CASD1: variants seen among roughly 807,000 people sequenced by gnomAD.
The protein encoded by CASD1 is N-acetylneuraminate (7)9-O-acetyltransferase.
CASD1 carries 41 observed loss-of-function variants against 100.0 expected under a neutral mutation model. The ratio of observed to expected loss-of-function variants is 0.41; its 90% CI spans 0.32 to 0.53. The LOEUF is 0.53. Among genes scored for constraint, CASD1 ranks in the 20% least tolerant of loss-of-function variants. The probability of loss-of-function intolerance (pLI) is 0.25; values close to 1 mark genes in which losing one functional copy is unlikely to be tolerated. For missense variants in CASD1, 774 were observed against 948.7 expected (o/e 0.82, Z 2.42); for synonymous variants, 321 against 315.6 (o/e 1.02, Z -0.18).
chr7:94,595,494 A>T, the CASD1 span, among the ~76,000 whole-genome samples: 1 of 152,172 alleles, frequency 6.6e-6, no homozygotes, highest in Admixed American at 6.5e-5. Flanking sequence ...GAATGTGAAG[A>T]TGAAATGCAT....
chr7:94,614,968 AT>A, the CASD1 span, among the ~76,000 whole-genome samples: 1 of 152,210 alleles, frequency 6.6e-6, no homozygotes. Flanking sequence ...CAGGTTTCCA[AT>A]TTTATTAAAG....
chr7:94,558,361 A>G (rs1334950147), downstream of CASD1, among the ~76,000 whole-genome samples: 1 of 152,172 alleles, frequency 6.6e-6, no homozygotes, highest in Non-Finnish European at 1.5e-5. Context: ...TTGTGTAATG[A>G]ATTGGATGTA....
At chr7:94,627,936 C>T in the CASD1 span, 3 of 390,386 alleles carry the variant, frequency 7.7e-6, no homozygotes, top group Non-Finnish European at 1.4e-5. Flanking sequence ...AAATAGAATT[C>T]ATATTATAAT....
intron 10 of CASD1, among the ~76,000 whole-genome samples, chr7:94,541,330 AGTT>A (rs564952625): frequency 8.0e-4 from 121 of 151,978 alleles, no homozygotes; most frequent in South Asian, 8.3e-4. Context: ...ATGTCAAACT[AGTT>A]GTGTCATGTT....
the CASD1 span, chr7:94,618,789 C>T: frequency 6.2e-7 from 1 of 1,613,960 alleles, no homozygotes; most frequent in Non-Finnish European, 8.5e-7. Flanking sequence ...GGAAGTGGCA[C>T]CCTGCCACCC....
At chr7:94,563,894 G>A in the CASD1 span, among the ~76,000 whole-genome samples, 1 of 152,102 alleles carries the variant, frequency 6.6e-6, no homozygotes, top group Non-Finnish European at 1.5e-5. Context: ...CTCTTAAAAA[G>A]TGTACTTAAG....
chr7:94,631,820 C>T, the CASD1 span, among the ~76,000 whole-genome samples: 5 of 151,942 alleles, frequency 3.3e-5, no homozygotes, highest in Non-Finnish European at 7.4e-5. Context: ...GATCACAACC[C>T]TACATCCAAA....
chr7:94,525,888 C>T lies in CASD1; in HGVS notation c.352-1274C>T, dbSNP rs1007397501. Among the ~76,000 whole-genome samples, 7 of 152,162 alleles carry T rather than the reference C, an allele frequency of 4.6e-5. No individual in the cohort carries two copies. In the South Asian group the frequency reaches 1.0e-3, roughly 23 times the overall value. On this transcript the variant is annotated intron_variant, in intron 3 of 17. Coordinates refer to ENST00000297273, the MANE Select transcript of CASD1 (RefSeq NM_022900.5). ...TCTGTTTGAATTAATGAAAACATTT[C>T]AGCTTTGATTTTAGCAACAGAATTA...
intron 17 of CASD1, 138 bp from the exon 18 acceptor site, chr7:94,555,354 C>A (rs1796151638): frequency 1.3e-6 from 1 of 776,464 alleles, no homozygotes; most frequent in African/African-American, 1.8e-5. Context: ...CTTTTCAGGG[C>A]CAGTAGTGAG....
At chr7:94,607,860 T>A in the CASD1 span, among the ~76,000 whole-genome samples, 2 of 152,328 alleles carry the variant, frequency 1.3e-5, no homozygotes, top group South Asian at 4.1e-4. Context: ...GATGATATGA[T>A]TCAAAAGAAT....
chr7:94,521,487 C>G (rs1794266612), intron 3 of CASD1, among the ~76,000 whole-genome samples: 1 of 152,062 alleles, frequency 6.6e-6, no homozygotes, highest in Non-Finnish European at 1.5e-5. Context: ...CTAATGTACT[C>G]TATATTCTCT....
chr7:94,581,633 TTC>T, the CASD1 span, among the ~76,000 whole-genome samples: 3 of 152,210 alleles, frequency 2.0e-5, no homozygotes, highest in Non-Finnish European at 4.4e-5. Context: ...GCATTTTGTT[TTC>T]TGTTTCTACA....
chr7:94,593,540 C>A, the CASD1 span, among the ~76,000 whole-genome samples: 1 of 151,826 alleles, frequency 6.6e-6, no homozygotes, highest in Non-Finnish European at 1.5e-5. Context: ...TTGGGATCCT[C>A]CAGTCAATGT....
chr7:94,587,205 G>C, the CASD1 span: 2 of 985,346 alleles, frequency 2.0e-6, no homozygotes, highest in Non-Finnish European at 2.4e-6. Flanking sequence ...GAAGTGCTCT[G>C]TATTACTAAA....
the CASD1 span, chr7:94,617,297 TA>T: frequency 2.0e-5 from 3 of 152,210 alleles, no homozygotes; most frequent in Admixed American, 6.5e-5. Flanking sequence ...GTTCAGGTTC[TA>T]AAAGTACCTC....
At chr7:94,602,411 C>A in the CASD1 span, among the ~76,000 whole-genome samples, 1 of 152,118 alleles carries the variant, frequency 6.6e-6, no homozygotes, top group African/African-American at 2.4e-5. Context: ...CAGGATGCAG[C>A]TGGCTCTCTA....
At chr7:94,631,161 A>G in the CASD1 span, among the ~76,000 whole-genome samples, 4 of 148,022 alleles carry the variant, frequency 2.7e-5, no homozygotes, top group Non-Finnish European at 6.0e-5. Flanking sequence ...ACTAGTATTC[A>G]TAAGTGATCT....
chr7:94,516,631 AC>A (rs1364643481), intron 1 of CASD1, among the ~76,000 whole-genome samples: 1 of 150,370 alleles, frequency 6.7e-6, no homozygotes, highest in African/African-American at 2.4e-5. Context: ...CCCCCCACAC[AC>A]CCCCAACCCA....
At chr7:94,534,830 G>A (rs1227590924) in intron 7 of CASD1, among the ~76,000 whole-genome samples, 1 of 152,120 alleles carries the variant, frequency 6.6e-6, no homozygotes. Flanking sequence ...TTTATAGTAA[G>A]TGATAAGAGA....
Sources: gnomAD v4.1 joint callset for allele counts (sites outside exome capture counted in the v4.1 genomes callset) on GRCh38, gnomAD v4.1.1 for gene constraint, MANE v1.5 for transcripts, NCBI Gene and HGNC (gene_info 2026-07-23, HGNC 2026-07-21) for gene names.